The following SPOCD1 variants were observed in gnomAD, a reference collection of about 807,000 sequenced individuals.
SPOCD1 encodes SPOC domain-containing protein 1.
Under a neutral mutation model 92.2 loss-of-function variants are expected in SPOCD1, and 64 were observed. The observed-to-expected ratio is 0.69, with a 90% CI of 0.57 to 0.86. The LOEUF (loss-of-function observed/expected upper bound fraction) is 0.86, where lower values mean the gene tolerates loss of function less well. SPOCD1 is among the 40% of genes least tolerant of loss of function. The pLI, the probability that SPOCD1 is intolerant of heterozygous loss-of-function variation, is 0.00. For missense variants in SPOCD1, 1,360 were observed against 1,543.1 expected (o/e 0.88, Z 1.99); for synonymous variants, 578 against 619.3 (o/e 0.93, Z 0.99).
At chr1:31,791,619 G>C (rs774799852) in intron 15 of SPOCD1, among the ~76,000 whole-genome samples, 4 of 152,224 alleles carry the variant, frequency 2.6e-5, no homozygotes, top group Non-Finnish European at 5.9e-5. Flanking sequence ...GCCGTGGAGG[G>C]TGTCCATGCA....
At position 31,802,122 on chromosome 1, in the gene SPOCD1, C is replaced by G. The variant is rs188014954; in HGVS notation, c.1384-417G>C. ...GGCGGAGGTTGCAGTGAGCCAGGAT[C>G]GTGCCACTGCACTCCAACCTGGGTG... On this transcript the variant is annotated intron_variant, in intron 2 of 15. Transcript: ENST00000360482. Among the ~76,000 whole-genome samples the G allele has an allele frequency of 6.2e-4, 95 of 152,138 alleles. 2 individuals are homozygous for G. Among genetic ancestry groups the G allele is most frequent in the African/African-American group, 2.2e-3 (91 of 41,482 alleles).
At position 31,800,038 on chromosome 1, in the gene SPOCD1, C is replaced by A; in HGVS notation, c.1706G>T (p.Ser569Ile). 6.2e-7 allele frequency: 1 copy of A among 1,611,470 alleles called. No individual in the cohort carries two copies. The highest frequency in any genetic ancestry group is 8.5e-7 in the Non-Finnish European group (1 of 1,178,966). Residue 569 changes from serine (S) to isoleucine (I), a missense_variant, in exon 5 of 16, where the codon AGC becomes ATC. Physicochemically the swap from Ser to Ile is moderately radical, Grantham distance 142. This residue lies in a region of SPOCD1 where 606 missense variants were observed against 601.5 expected (regional missense o/e 1.01). Transcript: ENST00000360482. ...RSGSLALGDP[S>I]SDPACSQSGP... is the part of the protein sequence containing the mutation. The stretch of plus-strand genomic sequence containing the variant: ...TGCCTGGGAACATGCAGGGTCCGAG[C>A]TGGGGTCGCCAAGGGCCAGGGAACC...
At chr1:31,799,306 C>T (rs1164385185) in intron 7 of SPOCD1, 95 bp downstream of exon 7, 6 of 1,109,780 alleles carry the variant, frequency 5.4e-6, no homozygotes, top group Non-Finnish European at 8.0e-6. Flanking sequence ...GTTAGCCAGA[C>T]ACCCAGAAGC....
At chr1:31,793,973 G>A in intron 11 of SPOCD1, 76 bp from the exon 12 acceptor site, 1 of 1,549,992 alleles carries the variant, frequency 6.5e-7, no homozygotes, top group Non-Finnish European at 8.8e-7. Flanking sequence ...TAGAGCCAGG[G>A]TTGAACCAGG....
At chr1:31,799,368 G>T in intron 7 of SPOCD1, 33 bp downstream of exon 7, 3 of 1,576,020 alleles carry the variant, frequency 1.9e-6, no homozygotes, top group South Asian at 1.1e-5. Flanking sequence ...GGCGGCCCTT[G>T]GGATGTCAGG....
intron 3 of SPOCD1, among the ~76,000 whole-genome samples, chr1:31,800,850 G>A (rs538941916): frequency 9.1e-4 from 138 of 152,288 alleles, no homozygotes; most frequent in Non-Finnish European, 1.6e-3. Context: ...CCCAGGAGAG[G>A]GGCCTGTCTC....
chr1:31,796,513 C>T (rs1464042823), intron 10 of SPOCD1, 77 bp downstream of exon 10: 4 of 1,611,966 alleles, frequency 2.5e-6, no homozygotes, highest in Non-Finnish European at 3.4e-6. Flanking sequence ...ATGCCCAAGA[C>T]CACACTGCTG....
chr1:31,801,730 A>G lies in SPOCD1; in HGVS notation c.1384-25T>C, dbSNP rs1570176296. On this transcript the variant is annotated intron_variant, in intron 2 of 15. Transcript: ENST00000360482. ...CCTTGGAGAGAAAGAGGATGCAGAG[A>G]TTAGAATCCAGAGGACCCAGCCACC... is the stretch of plus-strand genomic sequence containing the variant. 11 of 1,609,476 alleles carry G rather than the reference A, an allele frequency of 6.8e-6. No individual in the cohort carries two copies. In the East Asian group the frequency reaches 2.5e-4, roughly 36 times the overall value.
Position 31,814,982 on chromosome 1 carries a change from T to C in SPOCD1, c.352A>G (p.Arg118Gly). 3 of 1,613,886 alleles carry C rather than the reference T, an allele frequency of 1.9e-6. No homozygotes were observed. Among genetic ancestry groups the C allele is most frequent in the Non-Finnish European group, 2.5e-6 (3 of 1,180,020 alleles). ...PTQGRALTSK[R>G]LQVSLCDILD... ...ATGTCACACAGAGAAACCTGGAGCC[T>C]CTTGGAGGTCAGAGCTCTCCCCTGA... The change falls in exon 2 of 16, where the codon AGG becomes GGG. Residue 118 changes from arginine to glycine, a missense_variant. Arg to Gly is a moderately radical substitution (Grantham distance 125). Around this residue, in one of 3 missense-constraint regions of SPOCD1, gnomAD observed 140 missense variants for 183.8 expected, o/e 0.76. Coordinates refer to ENST00000360482, the MANE Select transcript of SPOCD1 (RefSeq NM_144569.7). This position sits in a 1 kb window ranked among gnomAD's most constrained non-coding sequence, Gnocchi z 4.2.
At chr1:31,801,588 T>C (rs1243608429) in intron 3 of SPOCD1, 76 bp downstream of exon 3, 1 of 1,363,932 alleles carries the variant, frequency 7.3e-7, no homozygotes, top group East Asian at 2.3e-5. Context: ...CCACATCTAC[T>C]GTGGAGGAGC....
rs1553199549 is a variant in SPOCD1 at position 31,804,985 on chromosome 1, C to CTTTCTTTT, written c.1384-3281_1384-3280insAAAAGAAA. ...AAATTTCTTTTTTCTTTCTTTCTTT[C>CTTTCTTTT]TTTTTTTTTTTTTTGAGATGGAGTC... On this transcript the variant is annotated intron_variant, in intron 2 of 15. Transcript: ENST00000360482. 7.6e-5 allele frequency among the ~76,000 whole-genome samples: 8 copies of CTTTCTTTT among 105,898 alleles called. No homozygotes were observed. In the South Asian group the frequency reaches 1.8e-3, roughly 23 times the overall value. The allele number at this position is 105,898 out of a possible 152,430, so 69.5% of individuals were successfully genotyped here. A position where few individuals can be genotyped will look rare whatever the true frequency, so the allele number is the denominator to read the frequency against.
intron 2 of SPOCD1, among the ~76,000 whole-genome samples, chr1:31,810,733 C>T (rs1649144076): frequency 6.6e-6 from 1 of 152,182 alleles, no homozygotes; most frequent in Admixed American, 6.5e-5. Context: ...ACTAATGAAA[C>T]GAGCTCCTCT....
rs114312269 is a variant in SPOCD1, at chr1:31,808,891, A to G, written c.1383+5060T>C. Among the ~76,000 whole-genome samples, 627 of 152,272 alleles carry G rather than the reference A, an allele frequency of 4.1e-3. 4 individuals carry two copies. Among genetic ancestry groups the G allele is most frequent in the African/African-American group, 0.014 (599 of 41,568 alleles). On this transcript the variant is annotated intron_variant, in intron 2 of 15. Coordinates refer to ENST00000360482, the MANE Select transcript of SPOCD1 (RefSeq NM_144569.7). Reference sequence around the variant, plus strand: ...ACATGGGAGAAAGTGTAGAAATGCAAAACATATGCAAAGCACAAAACAGGC... The same window carrying G: ...ACATGGGAGAAAGTGTAGAAATGCAGAACATATGCAAAGCACAAAACAGGC...
Position 31,792,658 on chromosome 1 carries a change from GC to G in SPOCD1, c.2775+19del, listed in dbSNP as rs746909620. ...GTAAGGTACTAGGAAAAGAGGGGGT[GC>G]CCAAGAGTGGGCAGGTACCTTGGCC... On this transcript the variant is annotated intron_variant, in intron 14 of 15. Coordinates refer to ENST00000360482, the MANE Select transcript of SPOCD1 (RefSeq NM_144569.7). 74 of 1,564,422 alleles carry G rather than the reference GC, an allele frequency of 4.7e-5. No individual in the cohort carries two copies. The highest frequency in any genetic ancestry group is 6.3e-5 in the Non-Finnish European group (73 of 1,150,938).
At chr1:31,793,517 T>A in intron 12 of SPOCD1, 89 bp from the exon 13 acceptor site, 1 of 1,529,688 alleles carries the variant, frequency 6.5e-7, no homozygotes, top group Non-Finnish European at 8.9e-7. Flanking sequence ...AGATCCTGTG[T>A]CCCTACTGTG....
Position 31,791,288 on chromosome 1 carries a change from AG to A in SPOCD1, c.2965del (p.Leu989PhefsTer71). 1.3e-6 allele frequency: 2 copies of A among 1,518,278 alleles called. No homozygotes were observed. Among genetic ancestry groups the A allele is most frequent in the Non-Finnish European group, 1.8e-6 (2 of 1,132,862 alleles). The allele number at this position is 1,518,278 out of a possible 1,614,324, so 94.1% of individuals were successfully genotyped here. On this transcript the variant is annotated frameshift_variant and splice_region_variant, in exon 16 of 16. Transcript: ENST00000360482. LOFTEE classifies it low-confidence loss of function (END_TRUNC). ...TRLRPLGGPGLWALPVSPLLS... is the reference protein window; with the variant it reads ...TRLRPLGGPGXWALPVSPLLS... ...GAGAGGGGAGACAGGAAGAGCCCAA[AG>A]GCCTGCGGGGAAGAACTGTGTTCAG...
rs1222213794 is a variant in SPOCD1 at position 31,801,648 on chromosome 1, A to T, written c.1425+16T>A. On this transcript the variant is annotated intron_variant, in intron 3 of 15. Coordinates refer to ENST00000360482, the MANE Select transcript of SPOCD1 (RefSeq NM_144569.7). ...CAAGGGAGAAAGAAAAGCAATAATAAAATGTAAAAACCTACGTAGCACACA... is the reference window on the plus strand; with the variant it reads ...CAAGGGAGAAAGAAAAGCAATAATATAATGTAAAAACCTACGTAGCACACA... 4 of 1,612,694 alleles carry T rather than the reference A, an allele frequency of 2.5e-6. No homozygotes were observed. The South Asian group carries it at 4.4e-5, about 18-fold the overall frequency.
At chr1:31,802,935 T>C (rs1026403526) in intron 2 of SPOCD1, among the ~76,000 whole-genome samples, 3 of 152,050 alleles carry the variant, frequency 2.0e-5, no homozygotes, top group Non-Finnish European at 4.4e-5. Context: ...TGAGTTTCAC[T>C]TTTTTTGTTT....
Position 31,814,318 on chromosome 1 carries a change from T to A in SPOCD1, c.1016A>T (p.Glu339Val). 6.3e-7 allele frequency: 1 copy of A among 1,575,024 alleles called. No individual in the cohort carries two copies. Among genetic ancestry groups the A allele is most frequent in the Non-Finnish European group, 8.6e-7 (1 of 1,156,792 alleles). The change falls in exon 2 of 16, where the codon GAG (glutamate) becomes GTG (valine). Residue 339 changes from glutamate to valine, a missense_variant. Around this residue, in one of 3 missense-constraint regions of SPOCD1, gnomAD observed 606 missense variants for 601.5 expected, o/e 1.01. Transcript: ENST00000360482. This position sits in a 1 kb window ranked among gnomAD's most constrained non-coding sequence, Gnocchi z 4.2. ...CACGACACACACAGCTTCTTGCTGC[T>A]CTGCAGAGGCCTGTGCTGACGCCCC... is the stretch of plus-strand genomic sequence containing the variant. ...CLGASAQASA[E>V]QQEAVCVVRT...
Sources: gnomAD v4.1 joint callset for allele counts (sites outside exome capture counted in the v4.1 genomes callset) on GRCh38, gnomAD v4.1.1 for gene constraint, gnomAD v4.1.1 regional missense constraint, Gnocchi (gnomAD v3.1) non-coding constraint, MANE v1.5 for transcripts, NCBI Gene and HGNC (gene_info 2026-07-23, HGNC 2026-07-21) for gene names.